The following PUDP variants were observed in gnomAD, a reference collection of about 807,000 sequenced individuals.
The protein encoded by PUDP is pseudouridine-5'-phosphatase.
A neutral mutation model predicts 9.4 loss-of-function variants in PUDP; 8 were observed. The observed-to-expected ratio is 0.85, with a 90% CI of 0.50 to 1.53. The LOEUF (loss-of-function observed/expected upper bound fraction) is 1.53, where lower values mean the gene tolerates loss of function less well. PUDP is among the 40% of genes most tolerant of loss of function. PUDP has a pLI of 0.00. For synonymous variants in PUDP, 99 were observed against 80.7 expected, an observed-to-expected ratio of 1.23 and a Z score of -1.22; for missense variants, 188 against 189.7, an observed-to-expected ratio of 0.99 and a Z score of 0.05.
At position 6,872,696 on chromosome X, in the gene PUDP, TA is replaced by T. The variant is rs199625491; in HGVS notation, c.*247+104436del. ...CCTGAGCAAAGGAGCAAGATTCCAT[TA>T]AAAAAAAAAAAAAAAAAAAAGACCA... On this transcript the variant is annotated intron_variant and NMD_transcript_variant, in intron 3 of 3. Transcript: ENST00000655425. Among the ~76,000 whole-genome samples the T allele has an allele frequency of 3.6e-3, 230 of 63,810 alleles. 4 individuals are homozygous for T. Among genetic ancestry groups the T allele is most frequent in the East Asian group, 0.017 (38 of 2,300 alleles). The allele number at this position is 63,810 out of a possible 115,157, so 55.4% of individuals were successfully genotyped here.
chrX:7,048,068 A>C (rs1930009148), downstream of PUDP, among the ~76,000 whole-genome samples: 1 of 111,845 alleles, frequency 8.9e-6, no homozygotes, highest in Non-Finnish European at 1.9e-5. Context: ...ACCAAACTCC[A>C]TCTGAGGATT....
At chrX:6,802,466 A>G (rs1236321221) in intron 3 of PUDP, among the ~76,000 whole-genome samples, 1 of 112,056 alleles carries the variant, frequency 8.9e-6, no homozygotes, top group African/African-American at 3.2e-5. Flanking sequence ...TGCATAAGTG[A>G]TGCAGTACAC....
In PUDP at chrX:6,897,882, G is replaced by T. The variant is rs536443720; in HGVS notation, c.*247+79251C>A. Reference sequence around the variant, plus strand: ...GGATTTCAACATCAAAAACTTGCAGGGGACACCGACGCTCAGAGCACAGCA... The same window carrying T: ...GGATTTCAACATCAAAAACTTGCAGTGGACACCGACGCTCAGAGCACAGCA... On this transcript the variant is annotated intron_variant and NMD_transcript_variant, in intron 3 of 3. Transcript: ENST00000655425. Among the ~76,000 whole-genome samples, 14 of 111,298 alleles carry T rather than the reference G, an allele frequency of 1.3e-4. No homozygotes were observed. The East Asian group carries it at 3.1e-3, about 25-fold the overall frequency.
chrX:6,817,851 A>AG (rs1200090943), intron 3 of PUDP, among the ~76,000 whole-genome samples: 2 of 111,311 alleles, frequency 1.8e-5, no homozygotes, highest in African/African-American at 6.5e-5. Flanking sequence ...TAAAACCAAA[A>AG]GGGATGCCTT....
intron 1 of PUDP, among the ~76,000 whole-genome samples, chrX:7,021,398 G>A (rs1351896614): frequency 9.0e-6 from 1 of 111,300 alleles, no homozygotes; most frequent in Non-Finnish European, 1.9e-5. Flanking sequence ...AATGCATATA[G>A]TGTTCACCCC....
intron 3 of PUDP, among the ~76,000 whole-genome samples, chrX:6,834,380 G>C (rs1459521485): frequency 9.0e-6 from 1 of 111,477 alleles, no homozygotes; most frequent in African/African-American, 3.3e-5. Context: ...CAGCCCTGAG[G>C]ACCTGGTTCC....
At chrX:6,763,446 AC>A (rs769513414) in intron 3 of PUDP, among the ~76,000 whole-genome samples, 20 of 112,242 alleles carry the variant, frequency 1.8e-4, no homozygotes, top group Non-Finnish European at 3.2e-4. Flanking sequence ...TTTTATTAGA[AC>A]ACAACCACAC....
intron 3 of PUDP, among the ~76,000 whole-genome samples, chrX:6,888,770 C>T (rs1022978781): frequency 4.5e-5 from 5 of 112,122 alleles, no homozygotes; most frequent in African/African-American, 1.6e-4. Flanking sequence ...TCCAGAGAGA[C>T]GCCAGTGACT....
At chrX:6,814,442 A>G (rs1926194470) in intron 3 of PUDP, among the ~76,000 whole-genome samples, 1 of 111,037 alleles carries the variant, frequency 9.0e-6, no homozygotes, top group African/African-American at 3.3e-5. Context: ...GAGATGAGGT[A>G]CAGTGAGTTA....
At chrX:6,762,722 T>G (rs1270234948) in intron 3 of PUDP, among the ~76,000 whole-genome samples, 1 of 112,605 alleles carries the variant, frequency 8.9e-6, no homozygotes, top group African/African-American at 3.2e-5. Context: ...GTAACGTTCC[T>G]TATTGTAAAA....
chrX:7,022,420 C>T (rs753160351), intron 1 of PUDP, among the ~76,000 whole-genome samples: 1 of 111,936 alleles, frequency 8.9e-6, no homozygotes, highest in Admixed American at 9.5e-5. Context: ...TAAGATTTCC[C>T]ATGGTAGCTA....
intron 3 of PUDP, among the ~76,000 whole-genome samples, chrX:6,761,527 C>A (rs1022800083): frequency 1.2e-4 from 14 of 112,336 alleles, no homozygotes; most frequent in African/African-American, 4.2e-4. Flanking sequence ...AATTATAGCT[C>A]ATTTGCTCAC....
At chrX:6,807,402 GA>G (rs1221389280) in intron 3 of PUDP, among the ~76,000 whole-genome samples, 2 of 111,717 alleles carry the variant, frequency 1.8e-5, no homozygotes, top group African/African-American at 6.5e-5. Context: ...CCAAAGTACC[GA>G]CCTAAATTAA....
At chrX:7,057,687 G>A (rs1206981204) in intron 3 of PUDP, 2 of 1,152,463 alleles carry the variant, frequency 1.7e-6, no homozygotes, top group Non-Finnish European at 2.3e-6. Flanking sequence ...ATGCACTGTG[G>A]CTGTGAGCTG....
chrX:7,105,765 T>A lies in PUDP; in HGVS notation c.135A>T (p.Val45=). The stretch of plus-strand genomic sequence containing the variant: ...CCTTCTTACCCATAACCAGGGACTT[T>A]ACATCCCAGCTGTATTTCTTGTCAT... ...NRYDKKYSWD[V]KSLVMGKKAL... is the part of the protein sequence containing the mutation. Residue 45 remains valine, a synonymous_variant, in exon 2 of 4, where the codon GTA becomes GTT. Coordinates refer to ENST00000381077, the MANE Select transcript of PUDP (RefSeq NM_012080.5). 1 of 1,209,150 alleles carries A rather than the reference T, an allele frequency of 8.3e-7. No individual in the cohort carries two copies. Among genetic ancestry groups the A allele is most frequent in the Non-Finnish European group, 1.1e-6 (1 of 893,294 alleles).
chrX:6,941,762 T>A (rs1159873671), intron 3 of PUDP, among the ~76,000 whole-genome samples: 1 of 112,274 alleles, frequency 8.9e-6, no homozygotes, highest in African/African-American at 3.2e-5. Context: ...CATGTGATGT[T>A]TGATATATGT....
chrX:6,731,063 T>A (rs1408860940), intron 3 of PUDP, among the ~76,000 whole-genome samples: 1 of 108,854 alleles, frequency 9.2e-6, no homozygotes, highest in Non-Finnish European at 1.9e-5. Context: ...AGTCTTTTTA[T>A]TTTTATTTTA....
intron 3 of PUDP, among the ~76,000 whole-genome samples, chrX:7,072,846 G>A (rs1245391923): frequency 2.8e-5 from 3 of 107,069 alleles, no homozygotes; most frequent in Admixed American, 1.0e-4. Flanking sequence ...ACTGATTTCC[G>A]ATTTCTGGTT....
intron 1 of PUDP, among the ~76,000 whole-genome samples, chrX:6,719,316 T>A (rs986709666): frequency 2.7e-5 from 3 of 111,149 alleles, no homozygotes; most frequent in Non-Finnish European, 5.7e-5. Flanking sequence ...GGTCCCACCT[T>A]ACAAACTCAT....
Sources: allele counts gnomAD v4.1 joint callset (sites outside exome capture counted in the v4.1 genomes callset), GRCh38; gene constraint gnomAD v4.1.1; transcripts MANE v1.5; gene names NCBI Gene and HGNC (gene_info 2026-07-23, HGNC 2026-07-21).